Variants in KDM4C observed in about 807,000 individuals in gnomAD.
The protein encoded by KDM4C is lysine demethylase 4C, also known as lysine-specific demethylase 4C.
KDM4C carries 81 observed loss-of-function variants against 129.3 expected under a neutral mutation model. The observed-to-expected ratio is 0.63, with a 90% CI of 0.52 to 0.75. KDM4C has a LOEUF of 0.75. Among genes scored for constraint, KDM4C ranks in the 30% least tolerant of loss-of-function variants. The pLI is 0.00. For missense variants in KDM4C, 1,457 were observed against 1,304.0 expected (o/e 1.12, Z -1.81); for synonymous variants, 573 against 456.1 (o/e 1.26, Z -3.26).
At chr9:7,074,220 G>C (rs143241779) in intron 17 of KDM4C, among the ~76,000 whole-genome samples, 9 of 152,030 alleles carry the variant, frequency 5.9e-5, no homozygotes, top group Middle Eastern at 3.4e-3. Context: ...CTGGAGTGCA[G>C]TGGCGCGATC....
At chr9:6,932,429 G>A (rs1823922356) in intron 8 of KDM4C, among the ~76,000 whole-genome samples, 1 of 152,094 alleles carries the variant, frequency 6.6e-6, no homozygotes. Context: ...ACCTTGTTGT[G>A]GGCCCTTGAG....
At chr9:7,095,895 G>C (rs1313338381) in intron 17 of KDM4C, among the ~76,000 whole-genome samples, 1 of 152,194 alleles carries the variant, frequency 6.6e-6, no homozygotes, top group Non-Finnish European at 1.5e-5. Flanking sequence ...TGTGTAAACA[G>C]TAATTTCAAA....
At chr9:6,928,017 G>A (rs1229654759) in intron 8 of KDM4C, among the ~76,000 whole-genome samples, 1 of 152,086 alleles carries the variant, frequency 6.6e-6, no homozygotes, top group Non-Finnish European at 1.5e-5. Context: ...TTACACTGTT[G>A]GAAAGAGTTG....
At chr9:6,743,549 C>G (rs1352670581) in intron 1 of KDM4C, among the ~76,000 whole-genome samples, 2 of 151,556 alleles carry the variant, frequency 1.3e-5, no homozygotes, top group African/African-American at 4.9e-5. Context: ...ACTCTGTCAC[C>G]CAGGCTGGAG....
chr9:6,864,127 T>G (rs1841492107), intron 5 of KDM4C, among the ~76,000 whole-genome samples: 1 of 152,180 alleles, frequency 6.6e-6, no homozygotes, highest in African/African-American at 2.4e-5. Context: ...TGTTAGTGGG[T>G]TTTTTCCCCT....
At chr9:6,990,351 GTTT>G in intron 11 of KDM4C, 62 bp from the exon 12 acceptor site, 2 of 809,782 alleles carry the variant, frequency 2.5e-6, no homozygotes, top group Admixed American at 2.4e-5. Flanking sequence ...GAACTGTAGG[GTTT>G]TTTTTTTTTG....
chr9:7,102,699 A>G (rs562547060), intron 17 of KDM4C, among the ~76,000 whole-genome samples: 1 of 152,194 alleles, frequency 6.6e-6, no homozygotes, highest in Non-Finnish European at 1.5e-5. Context: ...GCTTGAGTTT[A>G]AGTACCTTTA....
At chr9:6,988,156 C>G (rs1246441304) in intron 11 of KDM4C, among the ~76,000 whole-genome samples, 43 of 38,798 alleles carry the variant, frequency 1.1e-3, no homozygotes, top group African/African-American at 4.4e-3. Flanking sequence ...GACCCTGTCT[C>G]TTAAAAAAAA....
chr9:6,877,697 T>C (rs1006366800), intron 5 of KDM4C, among the ~76,000 whole-genome samples: 1 of 152,252 alleles, frequency 6.6e-6, no homozygotes, highest in Non-Finnish European at 1.5e-5. Context: ...AGTGGGGTAG[T>C]GCTCTGATTT....
intron 4 of KDM4C, among the ~76,000 whole-genome samples, chr9:6,847,699 C>G (rs1838105083): frequency 6.6e-6 from 1 of 152,132 alleles, no homozygotes; most frequent in Non-Finnish European, 1.5e-5. Context: ...CGGATCTTCT[C>G]TAAACGGATA....
chr9:6,739,782 G>C (rs764315695), intron 1 of KDM4C, among the ~76,000 whole-genome samples: 3 of 151,950 alleles, frequency 2.0e-5, no homozygotes, highest in Non-Finnish European at 4.4e-5. Flanking sequence ...GGATTGCTAG[G>C]AGTTCGAGAC....
intron 9 of KDM4C, chr9:6,982,357 C>T (rs1352247723): frequency 6.6e-6 from 1 of 152,012 alleles, no homozygotes; most frequent in South Asian, 2.1e-4. Context: ...TGATATTTCC[C>T]CCTGTAGTTT....
chr9:7,120,095 G>A (rs1535624), intron 18 of KDM4C, among the ~76,000 whole-genome samples: 1 of 152,018 alleles, frequency 6.6e-6, no homozygotes, highest in East Asian at 1.9e-4. Flanking sequence ...TGATTGACAG[G>A]TTGTTCTTGG....
intron 3 of KDM4C, among the ~76,000 whole-genome samples, chr9:6,807,946 G>T (rs1443570504): frequency 4.7e-5 from 6 of 126,378 alleles, no homozygotes; most frequent in Non-Finnish European, 7.1e-5. Context: ...GAGGTGGGGG[G>T]GTCAGCCCCC....
At position 7,174,549 on chromosome 9, in the gene KDM4C, T is replaced by G; in HGVS notation, c.2995-4T>G. ...TTTTGCAATATAACACCAGCTGCTT[T>G]TAGTCCACAGCCTCTGACATGCGAT... On this transcript the variant is annotated splice_polypyrimidine_tract_variant and splice_region_variant and intron_variant, in intron 21 of 21. Transcript: ENST00000381309. 1 of 1,613,894 alleles carries G rather than the reference T, an allele frequency of 6.2e-7. No individual in the cohort carries two copies. The highest frequency in any genetic ancestry group is 8.5e-7 in the Non-Finnish European group (1 of 1,179,772).
At chr9:6,802,156 GTTTC>G (rs1829118523) in intron 2 of KDM4C, among the ~76,000 whole-genome samples, 1 of 151,572 alleles carries the variant, frequency 6.6e-6, no homozygotes, top group South Asian at 2.1e-4. Context: ...GGATGAAAAG[GTTTC>G]TTTCTTCATT....
chr9:6,863,595 G>T (rs932442728), intron 5 of KDM4C, among the ~76,000 whole-genome samples: 1 of 151,994 alleles, frequency 6.6e-6, no homozygotes, highest in Non-Finnish European at 1.5e-5. Flanking sequence ...AGGAGATCGA[G>T]ACCATCCTGG....
chr9:7,104,025 G>C, intron 18 of KDM4C, 155 bp downstream of exon 18: 1 of 661,606 alleles, frequency 1.5e-6, no homozygotes, highest in Non-Finnish European at 2.6e-6. Flanking sequence ...ATTGCGCACT[G>C]TTATTTCCTG....
chr9:6,841,842 C>G (rs1836983696), intron 4 of KDM4C, among the ~76,000 whole-genome samples: 1 of 152,210 alleles, frequency 6.6e-6, no homozygotes, highest in Non-Finnish European at 1.5e-5. Flanking sequence ...ACCTTCCCTG[C>G]CATTCTGCTG....
Sources: gnomAD v4.1 joint callset for allele counts (sites outside exome capture counted in the v4.1 genomes callset) on GRCh38, gnomAD v4.1.1 for gene constraint, MANE v1.5 for transcripts, NCBI Gene and HGNC (gene_info 2026-07-23, HGNC 2026-07-21) for gene names.